GABRB2: variants seen among roughly 807,000 people sequenced by gnomAD.
GABRB2 encodes gamma-aminobutyric acid receptor subunit beta-2.
In GABRB2, 16 loss-of-function variants were observed where a neutral mutation model predicts 54.7. The ratio of observed to expected loss-of-function variants is 0.29; its 90% CI spans 0.20 to 0.44. The LOEUF is 0.44. GABRB2 is among the 20% of genes least tolerant of loss of function. GABRB2 has a pLI of 1.00. For synonymous variants in GABRB2, 244 were observed against 233.8 expected, an observed-to-expected ratio of 1.04 and a Z score of -0.40; for missense variants, 355 against 644.0, an observed-to-expected ratio of 0.55 and a Z score of 4.86.
At chr5:161,513,301 A>G (rs1441535057) in intron 3 of GABRB2, among the ~76,000 whole-genome samples, 1 of 152,136 alleles carries the variant, frequency 6.6e-6, no homozygotes, top group Non-Finnish European at 1.5e-5. Flanking sequence ...TGGAAAATAA[A>G]TCATTCTACC....
chr5:161,512,685 G>C (rs763474370), intron 3 of GABRB2, among the ~76,000 whole-genome samples: 51 of 152,166 alleles, frequency 3.4e-4, no homozygotes, highest in Admixed American at 6.6e-4. Context: ...GTCCCCAAAA[G>C]TAATTGCAAC....
chr5:161,525,584 A>T (rs1760253397), intron 3 of GABRB2, among the ~76,000 whole-genome samples: 1 of 151,376 alleles, frequency 6.6e-6, no homozygotes, highest in Admixed American at 6.6e-5. Flanking sequence ...CTTTAATATG[A>T]AAACAACCAT....
rs573513036 is a variant in GABRB2, at chr5:161,455,958, A to G, written c.458+3666T>C. Among the ~76,000 whole-genome samples the G allele has an allele frequency of 2.6e-5, 4 of 152,316 alleles. No individual in the cohort carries two copies. In the South Asian group the frequency reaches 6.2e-4, roughly 24 times the overall value. On this transcript the variant is annotated intron_variant, in intron 4 of 9. Transcript: ENST00000393959. ...TTCTCTATCTTTATTATGTTTTAAT[A>G]CCTGAAGATTTCACTGAAGAAAACC...
At chr5:161,364,664 T>G (rs1465460391) in intron 5 of GABRB2, among the ~76,000 whole-genome samples, 5 of 152,092 alleles carry the variant, frequency 3.3e-5, no homozygotes, top group Non-Finnish European at 7.4e-5. Context: ...AAATAAAAAA[T>G]AACTTTTGAT....
At chr5:161,440,450 C>T (rs1757436882) in intron 4 of GABRB2, among the ~76,000 whole-genome samples, 1 of 151,996 alleles carries the variant, frequency 6.6e-6, no homozygotes, top group South Asian at 2.1e-4. Context: ...TATACTTATA[C>T]CCGACAAAAT....
chr5:161,337,884 T>C (rs1345127833), intron 5 of GABRB2, among the ~76,000 whole-genome samples: 1 of 152,192 alleles, frequency 6.6e-6, no homozygotes, highest in Non-Finnish European at 1.5e-5. Flanking sequence ...GGATAGTTGA[T>C]GTTCACAAGT....
intron 3 of GABRB2, among the ~76,000 whole-genome samples, chr5:161,479,808 T>A (rs1233498932): frequency 6.6e-6 from 1 of 151,972 alleles, no homozygotes; most frequent in Non-Finnish European, 1.5e-5. Flanking sequence ...CAGGCTGGTC[T>A]CCAATTCCTG....
chr5:161,511,467 A>G (rs990083895), intron 3 of GABRB2, among the ~76,000 whole-genome samples: 1 of 151,976 alleles, frequency 6.6e-6, no homozygotes, highest in Non-Finnish European at 1.5e-5. Flanking sequence ...CTTGTTCATC[A>G]CTCAAACTGA....
At chr5:161,401,679 A>G (rs1756196530) in intron 5 of GABRB2, among the ~76,000 whole-genome samples, 1 of 152,352 alleles carries the variant, frequency 6.6e-6, no homozygotes, top group East Asian at 1.9e-4. Context: ...ATCAAATGTC[A>G]TGAATGTAAA....
intron 3 of GABRB2, among the ~76,000 whole-genome samples, chr5:161,517,148 G>A (rs1759973729): frequency 6.6e-6 from 1 of 152,130 alleles, no homozygotes; most frequent in Non-Finnish European, 1.5e-5. Flanking sequence ...TATTCATTAG[G>A]TGTTTGGGAC....
rs1402875797 is a variant in GABRB2 at position 161,429,357 on chromosome 5, A to AAAAAAAAAAAAAAAAAT, written c.459-18301_459-18300insATTTTTTTTTTTTTTTT. 8.8e-4 allele frequency among the ~76,000 whole-genome samples: 95 copies of AAAAAAAAAAAAAAAAAT among 108,320 alleles called. 4 individuals carry two copies. The highest frequency in any genetic ancestry group is 3.0e-3 in the African/African-American group (91 of 30,306). 71.1% of individuals were successfully genotyped at this position (108,320 alleles called of 152,430 possible). ...CAAGAATCCGTCTCAAAAAAAAAAA[A>AAAAAAAAAAAAAAAAAT]AGAAAAAGAAAAAAAAAGAAATCCT... is the stretch of plus-strand genomic sequence containing the variant. On this transcript the variant is annotated intron_variant, in intron 4 of 9. Transcript: ENST00000393959.
chr5:161,326,314 C>T (rs1008596020), intron 9 of GABRB2, 54 bp downstream of exon 9: 67 of 1,603,514 alleles, frequency 4.2e-5, no homozygotes, highest in Non-Finnish European at 5.4e-5. Context: ...AACAGCTAAA[C>T]AAATTGGCCC....
At chr5:161,512,463 G>A (rs527284998) in intron 3 of GABRB2, among the ~76,000 whole-genome samples, 2 of 151,984 alleles carry the variant, frequency 1.3e-5, no homozygotes, top group Admixed American at 6.6e-5. Context: ...ATAAGCAATG[G>A]GGAAGGGACT....
chr5:161,490,500 A>G (rs1371359820), intron 3 of GABRB2, among the ~76,000 whole-genome samples: 1 of 151,660 alleles, frequency 6.6e-6, no homozygotes, highest in African/African-American at 2.4e-5. Flanking sequence ...TTGAACCCTT[A>G]TGAGGCTTAA....
intron 3 of GABRB2, among the ~76,000 whole-genome samples, chr5:161,484,605 C>T (rs1163933300): frequency 6.6e-6 from 1 of 151,960 alleles, no homozygotes; most frequent in Non-Finnish European, 1.5e-5. Context: ...TACAGAAATA[C>T]TAGGCTATGT....
chr5:161,534,671 A>ATAC, intron 3 of GABRB2, among the ~76,000 whole-genome samples: 1 of 152,308 alleles, frequency 6.6e-6, no homozygotes, highest in East Asian at 1.9e-4. Flanking sequence ...AGAAATAGAA[A>ATAC]CTGGCACTGT....
chr5:161,332,664 G>A (rs1231432283), intron 7 of GABRB2, among the ~76,000 whole-genome samples: 3 of 152,172 alleles, frequency 2.0e-5, no homozygotes, highest in Non-Finnish European at 4.4e-5. Flanking sequence ...GTTGCCATTG[G>A]AATGAGAATC....
At chr5:161,459,498 G>A (rs1458033417) in intron 4 of GABRB2, 126 bp downstream of exon 4, 1 of 788,892 alleles carries the variant, frequency 1.3e-6, no homozygotes, top group South Asian at 1.6e-5. Context: ...CTAGTGGATA[G>A]GAGGCTTAAC....
chr5:161,411,072 G>A lies in GABRB2; in HGVS notation c.459-15C>T, dbSNP rs759328020. Reference sequence around the variant, plus strand: ...TGGTTGTGATTCTAGAAGACAAATAGCAATGATGAGTGTTGTTAGCAGGTC... The same window carrying A: ...TGGTTGTGATTCTAGAAGACAAATAACAATGATGAGTGTTGTTAGCAGGTC... On this transcript the variant is annotated splice_polypyrimidine_tract_variant and intron_variant, in intron 4 of 9. Transcript: ENST00000393959. 27 of 1,593,542 alleles carry A rather than the reference G, an allele frequency of 1.7e-5. No homozygotes were observed. The Middle Eastern group carries it at 8.3e-4, about 49-fold the overall frequency.
Sources: gnomAD v4.1 joint callset for allele counts (sites outside exome capture counted in the v4.1 genomes callset) on GRCh38, gnomAD v4.1.1 for gene constraint, MANE v1.5 for transcripts, NCBI Gene and HGNC (gene_info 2026-07-23, HGNC 2026-07-21) for gene names.